CDH11: variants seen among roughly 807,000 people sequenced by gnomAD.
CDH11 encodes the protein cadherin 11.
A neutral mutation model predicts 67.8 loss-of-function variants in CDH11; 11 were observed. The ratio of observed to expected loss-of-function variants is 0.16; its 90% CI spans 0.10 to 0.27. The LOEUF (loss-of-function observed/expected upper bound fraction) is 0.27, where lower values mean the gene tolerates loss of function less well. Among genes scored for constraint, CDH11 ranks in the 10% least tolerant of loss-of-function variants. The pLI, the probability that CDH11 is intolerant of heterozygous loss-of-function variation, is 1.00. For synonymous variants in CDH11, 419 were observed against 400.0 expected (o/e 1.05, Z -0.57); for missense variants, 847 against 1,031.2 (o/e 0.82, Z 2.45).
At chr16:65,009,140 C>A (rs117915535) in intron 2 of CDH11, among the ~76,000 whole-genome samples, 1 of 152,148 alleles carries the variant, frequency 6.6e-6, no homozygotes, top group South Asian at 2.1e-4. Flanking sequence ...GAGAAGGCTG[C>A]AGGTCAAATT....
chr16:65,092,572 G>T (rs988275989), intron 1 of CDH11, among the ~76,000 whole-genome samples: 2 of 152,132 alleles, frequency 1.3e-5, no homozygotes, highest in African/African-American at 2.4e-5. Flanking sequence ...TATTGGTGGG[G>T]ATGCCTGAGA....
chr16:64,955,260 A>G (rs2071477578), intron 11 of CDH11, among the ~76,000 whole-genome samples: 1 of 152,080 alleles, frequency 6.6e-6, no homozygotes, highest in Non-Finnish European at 1.5e-5. Context: ...AAACAAAAAT[A>G]AAAACAACAA....
chr16:65,058,043 T>C (rs541558552), intron 1 of CDH11, among the ~76,000 whole-genome samples: 2 of 152,210 alleles, frequency 1.3e-5, no homozygotes, highest in South Asian at 2.1e-4. Context: ...AAGACCAGCC[T>C]GGGCAATATG....
chr16:65,113,877 A>G (rs769213091), intron 1 of CDH11, among the ~76,000 whole-genome samples: 9 of 152,196 alleles, frequency 5.9e-5, no homozygotes, highest in Non-Finnish European at 1.2e-4. Flanking sequence ...TCATGAGGGC[A>G]TTGTGAGTAA....
At chr16:65,041,331 A>T (rs2073864135) in intron 2 of CDH11, among the ~76,000 whole-genome samples, 1 of 151,954 alleles carries the variant, frequency 6.6e-6, no homozygotes, top group Non-Finnish European at 1.5e-5. Flanking sequence ...CACATTTGTC[A>T]TCTGTCTGCT....
chr16:65,058,362 T>G (rs911247439), intron 1 of CDH11, among the ~76,000 whole-genome samples: 1 of 152,218 alleles, frequency 6.6e-6, no homozygotes, highest in Non-Finnish European at 1.5e-5. Context: ...AATATCAGGT[T>G]TTTAAAACTT....
intron 2 of CDH11, among the ~76,000 whole-genome samples, chr16:65,035,537 C>T (rs1478641706): frequency 5.3e-5 from 8 of 152,154 alleles, no homozygotes. Context: ...TTATCAAACC[C>T]ATCTGCTGAT....
intron 2 of CDH11, among the ~76,000 whole-genome samples, chr16:65,023,785 G>C (rs940396287): frequency 6.6e-6 from 1 of 152,176 alleles, no homozygotes; most frequent in African/African-American, 2.4e-5. Context: ...ATTACAATTA[G>C]CAAATAATGA....
At chr16:65,053,727 A>T in intron 2 of CDH11, 77 bp downstream of exon 2, 1 of 440,502 alleles carries the variant, frequency 2.3e-6, no homozygotes, top group Non-Finnish European at 4.6e-6. Flanking sequence ...CATTTGAGAC[A>T]CAGACCCAGT....
chr16:65,104,561 C>G (rs1406641667), intron 1 of CDH11, among the ~76,000 whole-genome samples: 1 of 152,142 alleles, frequency 6.6e-6, no homozygotes, highest in African/African-American at 2.4e-5. Flanking sequence ...AAACAAAAAA[C>G]AGAAGCATGT....
intron 2 of CDH11, among the ~76,000 whole-genome samples, chr16:65,033,808 C>T (rs957569805): frequency 1.3e-5 from 2 of 151,766 alleles, no homozygotes; most frequent in African/African-American, 4.8e-5. Context: ...GACTTGAAAT[C>T]CTCCAAGAGT....
chr16:65,051,357 T>A (rs938233240), intron 2 of CDH11, among the ~76,000 whole-genome samples: 12 of 152,096 alleles, frequency 7.9e-5, no homozygotes, highest in African/African-American at 2.7e-4. Flanking sequence ...AACAATAGCT[T>A]GTGTGGGCTG....
At chr16:65,101,250 C>A (rs1324865586) in intron 1 of CDH11, among the ~76,000 whole-genome samples, 1 of 152,166 alleles carries the variant, frequency 6.6e-6, no homozygotes, top group East Asian at 1.9e-4. Flanking sequence ...ACCTTCCTTG[C>A]CAAGAAGACA....
At position 64,943,827 on chromosome 16, in the gene CDH11, T is replaced by A. The variant is rs776032743; in HGVS notation, c.*3776A>T. 9.9e-5 allele frequency: 22 copies of A among 221,864 alleles called. No individual in the cohort carries two copies. Among genetic ancestry groups the A allele is most frequent in the Non-Finnish European group, 1.4e-4 (16 of 110,874 alleles). 13.7% of individuals were successfully genotyped at this position (221,864 alleles called of 1,614,324 possible). A position where few individuals can be genotyped will look rare whatever the true frequency, so the allele number is the denominator to read the frequency against. Reference sequence around the variant, plus strand: ...ACTGTGTAAAGAACTGAGTATACAATGGTAAACAAGAAAGCAAGATTCCCT... The same window carrying A: ...ACTGTGTAAAGAACTGAGTATACAAAGGTAAACAAGAAAGCAAGATTCCCT... On this transcript the variant is annotated 3_prime_UTR_variant, in exon 13 of 13. Transcript: ENST00000268603.
chr16:65,101,350 C>T (rs2074988070), intron 1 of CDH11, among the ~76,000 whole-genome samples: 1 of 152,220 alleles, frequency 6.6e-6, no homozygotes, highest in Non-Finnish European at 1.5e-5. Context: ...CCTGACCTCA[C>T]CTGTGATGCT....
chr16:64,945,394 C>G lies in CDH11; in HGVS notation c.*2209G>C, dbSNP rs11864155. On this transcript the variant is annotated 3_prime_UTR_variant, in exon 13 of 13. Transcript: ENST00000268603. Reference sequence around the variant, plus strand: ...TAAAAAAGACTTCAACATAAAAATGCGAAAATGTAGTTGTCATCTCTAATC... The same window carrying G: ...TAAAAAAGACTTCAACATAAAAATGGGAAAATGTAGTTGTCATCTCTAATC... The G allele has an allele frequency of 9.7e-7, 1 of 1,030,324 alleles. No homozygotes were observed. Among genetic ancestry groups the G allele is most frequent in the Non-Finnish European group, 1.2e-6 (1 of 856,150 alleles). 63.8% of individuals were successfully genotyped at this position (1,030,324 alleles called of 1,614,324 possible).
intron 2 of CDH11, among the ~76,000 whole-genome samples, chr16:65,022,333 T>C (rs77439565): frequency 0.049 from 7,488 of 152,202 alleles, 271 homozygotes; most frequent in Non-Finnish European, 0.07. Context: ...AGTAACACAA[T>C]TCACTATTTT....
At chr16:64,974,284 A>G (rs1205927836) in intron 8 of CDH11, among the ~76,000 whole-genome samples, 13 of 152,182 alleles carry the variant, frequency 8.5e-5, no homozygotes, top group African/African-American at 2.9e-4. Flanking sequence ...GCTGAGCTTC[A>G]TAAGTGTGTG....
chr16:65,038,288 C>T lies in CDH11; in HGVS notation c.-173+15516G>A, dbSNP rs116604507. ...CTCCTCCACGGGCTGTTTCGCGGGA[C>T]GCTGCTATCCCACTGTCTGCTAGGG... is the stretch of plus-strand genomic sequence containing the variant. On this transcript the variant is annotated intron_variant, in intron 2 of 12. Coordinates refer to ENST00000268603, the MANE Select transcript of CDH11 (RefSeq NM_001797.4). 9.9e-3 allele frequency among the ~76,000 whole-genome samples: 1,509 copies of T among 152,190 alleles called. 32 individuals carry two copies. Among genetic ancestry groups the T allele is most frequent in the African/African-American group, 0.034 (1,420 of 41,518 alleles).
Sources: gnomAD v4.1 joint callset for allele counts (sites outside exome capture counted in the v4.1 genomes callset) on GRCh38, gnomAD v4.1.1 for gene constraint, MANE v1.5 for transcripts, NCBI Gene and HGNC (gene_info 2026-07-23, HGNC 2026-07-21) for gene names.